Variants in IGSF21 observed in about 807,000 individuals in gnomAD.
IGSF21 encodes the protein immunoglobulin superfamily member 21.
IGSF21 carries 28 observed loss-of-function variants against 46.8 expected under a neutral mutation model. The ratio of observed to expected loss-of-function variants is 0.60; its 90% confidence interval spans 0.44 to 0.82. IGSF21 has a LOEUF of 0.82. IGSF21 is among the 40% of genes least tolerant of loss of function. The probability of loss-of-function intolerance (pLI) is 0.00; values close to 1 mark genes in which losing one functional copy is unlikely to be tolerated. For missense variants in IGSF21, 624 were observed against 665.5 expected, an observed-to-expected ratio of 0.94 and a Z score of 0.69; for synonymous variants, 284 against 273.6, an observed-to-expected ratio of 1.04 and a Z score of -0.38.
At chr1:18,291,662 T>C (rs1005578321) in intron 2 of IGSF21, among the ~76,000 whole-genome samples, 3 of 152,224 alleles carry the variant, frequency 2.0e-5, no homozygotes, top group Non-Finnish European at 4.4e-5. Flanking sequence ...CTCCCACCCG[T>C]TGCCAGGCTG....
intron 3 of IGSF21, among the ~76,000 whole-genome samples, chr1:18,295,450 C>T (rs1011800856): frequency 3.9e-5 from 6 of 152,170 alleles, no homozygotes; most frequent in African/African-American, 1.4e-4. Context: ...TAGATGAATA[C>T]ATCATTCCAC....
intron 2 of IGSF21, among the ~76,000 whole-genome samples, chr1:18,270,789 A>G (rs1030693886): frequency 7.2e-5 from 11 of 152,164 alleles, no homozygotes; most frequent in African/African-American, 2.7e-4. Flanking sequence ...CAAAAAAAAA[A>G]AGGAAACTAC....
intron 1 of IGSF21, among the ~76,000 whole-genome samples, chr1:18,181,612 A>G (rs2086858867): frequency 6.6e-6 from 1 of 152,122 alleles, no homozygotes; most frequent in Non-Finnish European, 1.5e-5. Context: ...AAAGACACCC[A>G]TCCTATCTTG....
At chr1:18,140,584 A>G (rs995745890) in intron 1 of IGSF21, among the ~76,000 whole-genome samples, 9 of 152,306 alleles carry the variant, frequency 5.9e-5, no homozygotes, top group Admixed American at 2.0e-4. Flanking sequence ...CCAGTTCCCC[A>G]GCCAGACCAT....
At chr1:18,264,427 C>G (rs1422232494) in intron 2 of IGSF21, among the ~76,000 whole-genome samples, 9 of 152,188 alleles carry the variant, frequency 5.9e-5, no homozygotes. Flanking sequence ...TACCATGATT[C>G]TGGTCTCAAC....
At position 18,338,629 on chromosome 1, in the gene IGSF21, G is replaced by A. The variant is rs541267351; in HGVS notation, c.424+3619G>A. Among the ~76,000 whole-genome samples the A allele has an allele frequency of 9.2e-5, 14 of 152,264 alleles. No individual in the cohort carries two copies. In the South Asian group the frequency reaches 1.7e-3, roughly 18 times the overall value. On this transcript the variant is annotated intron_variant, in intron 4 of 9. Coordinates refer to ENST00000251296, the MANE Select transcript of IGSF21 (RefSeq NM_032880.5). ...ACGTCCACATCCAGCACATTCTAACGCGGCCATTTCCAGAGGCCTCCGGGT... is the reference window on the plus strand; with the variant it reads ...ACGTCCACATCCAGCACATTCTAACACGGCCATTTCCAGAGGCCTCCGGGT...
chr1:18,153,579 C>T (rs2086540602), intron 1 of IGSF21, among the ~76,000 whole-genome samples: 1 of 152,174 alleles, frequency 6.6e-6, no homozygotes, highest in South Asian at 2.1e-4. Context: ...TGACTGGGAA[C>T]CAGGTGCCGA....
chr1:18,154,989 C>A (rs1397685913), intron 1 of IGSF21, among the ~76,000 whole-genome samples: 1 of 152,028 alleles, frequency 6.6e-6, no homozygotes, highest in Non-Finnish European at 1.5e-5. Flanking sequence ...AAATGGGGGG[C>A]TCACTTATGC....
At chr1:18,237,477 A>C (rs1335579672) in intron 2 of IGSF21, among the ~76,000 whole-genome samples, 1 of 152,234 alleles carries the variant, frequency 6.6e-6, no homozygotes, top group Non-Finnish European at 1.5e-5. Flanking sequence ...TGTGCAAAAC[A>C]GACGAAAAGC....
At chr1:18,277,010 G>T (rs2124551466) in intron 2 of IGSF21, among the ~76,000 whole-genome samples, 1 of 152,352 alleles carries the variant, frequency 6.6e-6, no homozygotes, top group East Asian at 1.9e-4. Context: ...CTTTTCTGAA[G>T]TCTCCAAGAT....
At chr1:18,292,827 A>C (rs1176236809) in intron 3 of IGSF21, among the ~76,000 whole-genome samples, 1 of 152,164 alleles carries the variant, frequency 6.6e-6, no homozygotes, top group Non-Finnish European at 1.5e-5. Flanking sequence ...CAACTGCCCC[A>C]GTACCCACCC....
chr1:18,225,116 C>T (rs1278642318), intron 1 of IGSF21, among the ~76,000 whole-genome samples: 1 of 148,702 alleles, frequency 6.7e-6, no homozygotes, highest in Non-Finnish European at 1.5e-5. Flanking sequence ...CACACACACA[C>T]ACACACACAC....
At position 18,365,410 on chromosome 1, in the gene IGSF21, C is replaced by T. The variant is rs144142024; in HGVS notation, c.728C>T (p.Thr243Met). 212 of 1,614,010 alleles carry T rather than the reference C, an allele frequency of 1.3e-4. 1 individual carries two copies. In the African/African-American group the frequency reaches 1.7e-3, roughly 13 times the overall value. Reference sequence around the variant, plus strand: ...GAGAACCGGGGTGGGCGACCCTACACGGAGCGCCCCTCCCGTGGCCTGACC... The same window carrying T: ...GAGAACCGGGGTGGGCGACCCTACATGGAGCGCCCCTCCCGTGGCCTGACC... Reference protein sequence around the residue: ...DAENRGGRPYTERPSRGLTPD... With the variant: ...DAENRGGRPYMERPSRGLTPD... Residue 243 changes from threonine to methionine, a missense_variant, in exon 6 of 10, where the codon ACG becomes ATG. Physicochemically the swap from Thr to Met is moderately conservative, Grantham distance 81. Coordinates refer to ENST00000251296, the MANE Select transcript of IGSF21 (RefSeq NM_032880.5). This position sits in a 1 kb window ranked among gnomAD's most constrained non-coding sequence, Gnocchi z 4.8.
intron 1 of IGSF21, chr1:18,115,844 A>AGAAG (rs2086183486): frequency 2.5e-5 from 2 of 78,690 alleles, no homozygotes; most frequent in Non-Finnish European, 4.9e-5. Context: ...GAAGGAAGGA[A>AGAAG]GAAAGAAAGA....
intron 1 of IGSF21, among the ~76,000 whole-genome samples, chr1:18,139,551 G>A (rs75698402): frequency 6.6e-6 from 1 of 152,202 alleles, no homozygotes; most frequent in East Asian, 1.9e-4. Context: ...CAGTGCTGTC[G>A]TCAGGTCAGG....
At chr1:18,303,087 A>G (rs987844449) in intron 3 of IGSF21, among the ~76,000 whole-genome samples, 2 of 152,094 alleles carry the variant, frequency 1.3e-5, no homozygotes, top group Non-Finnish European at 2.9e-5. Context: ...GGGGCCCCCA[A>G]CCACCAAGGA....
At chr1:18,207,319 G>A (rs1380796258) in intron 1 of IGSF21, among the ~76,000 whole-genome samples, 4 of 152,164 alleles carry the variant, frequency 2.6e-5, no homozygotes, top group Non-Finnish European at 5.9e-5. Context: ...CTATCTTAAG[G>A]TCAAGGGTGT....
At chr1:18,336,614 G>A (rs908374716) in intron 4 of IGSF21, among the ~76,000 whole-genome samples, 3 of 152,172 alleles carry the variant, frequency 2.0e-5, no homozygotes, top group African/African-American at 7.2e-5. Context: ...CTCAATCTAA[G>A]GTGCCTTCAA....
At chr1:18,325,436 G>A (rs1370631659) in intron 3 of IGSF21, among the ~76,000 whole-genome samples, 1 of 152,122 alleles carries the variant, frequency 6.6e-6, no homozygotes, top group Non-Finnish European at 1.5e-5. Flanking sequence ...GAGGCCCTGA[G>A]TCTTCGAGCG....
Sources: allele counts gnomAD v4.1 joint callset (sites outside exome capture counted in the v4.1 genomes callset), GRCh38; gene constraint gnomAD v4.1.1; non-coding constraint Gnocchi (gnomAD v3.1); transcripts MANE v1.5; gene names NCBI Gene and HGNC (gene_info 2026-07-23, HGNC 2026-07-21).